The following PPP6R1 variants were observed in gnomAD, a reference collection of about 807,000 sequenced individuals.
PPP6R1 encodes protein phosphatase 6 regulatory subunit 1.
In PPP6R1, 39 loss-of-function variants were observed where a neutral mutation model predicts 104.6. That is an observed-to-expected ratio of 0.37 (90% CI 0.29 to 0.49). The LOEUF (loss-of-function observed/expected upper bound fraction) is 0.49, where lower values mean the gene tolerates loss of function less well. Among genes scored for constraint, PPP6R1 ranks in the 20% least tolerant of loss-of-function variants. PPP6R1 has a pLI of 0.98. For missense variants in PPP6R1, 1,181 were observed against 1,155.8 expected (o/e 1.02, Z -0.32); for synonymous variants, 549 against 479.0 (o/e 1.15, Z -1.91).
intron 13 of PPP6R1, 23 bp from the exon 14 acceptor site, chr19:55,239,706 G>A (rs1320688049): frequency 5.0e-6 from 8 of 1,599,884 alleles, no homozygotes; most frequent in Non-Finnish European, 6.8e-6. Flanking sequence ...GGGGGCGTCA[G>A]GGCCTGCTGG....
Position 55,230,920 on chromosome 19 carries a change from C to T in PPP6R1, c.2460-36G>A, listed in dbSNP as rs764029907. 14 of 1,510,034 alleles carry T rather than the reference C, an allele frequency of 9.3e-6. No homozygotes were observed. The African/African-American group carries it at 1.1e-4, about 12-fold the overall frequency. 93.5% of individuals were successfully genotyped at this position (1,510,034 alleles called of 1,614,324 possible). A position where few individuals can be genotyped will look rare whatever the true frequency, so the allele number is the denominator to read the frequency against. ...GAGGCAGGTGCGGCTGTCAGCGTGG[C>T]CCCCACCGTCACCTGCTGACACCCT... On this transcript the variant is annotated intron_variant, in intron 21 of 23. Transcript: ENST00000412770.
In PPP6R1 at chr19:55,241,605, TGCTGAAGAA is replaced by T. The variant is rs775811925; in HGVS notation, c.871_879del (p.Phe291_Ser293del). The T allele has an allele frequency of 2.5e-5, 39 of 1,587,166 alleles. No homozygotes were observed. Among genetic ancestry groups the T allele is most frequent in the Non-Finnish European group, 3.2e-5 (37 of 1,168,024 alleles). ...AGGAGCTCCAGCTGCCCATCCACACTGCTGAAGAAGCTGTTCACGGTCACGGACTCGGAC... is the reference window on the plus strand; with the variant it reads ...AGGAGCTCCAGCTGCCCATCCACACTGCTGTTCACGGTCACGGACTCGGAC... On this transcript the variant is annotated inframe_deletion, in exon 8 of 24. Coordinates refer to ENST00000412770, the MANE Select transcript of PPP6R1 (RefSeq NM_014931.4). The surrounding 1 kb of genome is among the most constrained non-coding windows in gnomAD (Gnocchi z 5.4).
chr19:55,241,376 T>C lies in PPP6R1; in HGVS notation c.1024A>G (p.Met342Val), dbSNP rs1029224601. 5.6e-6 allele frequency: 9 copies of C among 1,609,700 alleles called. No homozygotes were observed. The highest frequency in any genetic ancestry group is 6.8e-6 in the Non-Finnish European group (8 of 1,178,410). ...LEPPKLEPLQMTWGMLAPPLG... is the reference protein window; with the variant it reads ...LEPPKLEPLQVTWGMLAPPLG... ...GGCGGAGCCAGCATGCCCCATGTCA[T>C]CTGTAGCGGCTCCAGCTGCAGACAC... The change falls in exon 9 of 24, where the codon ATG (methionine) becomes GTG (valine). Residue 342 changes from methionine (M) to valine (V), a missense_variant. Met to Val is a conservative substitution (Grantham distance 21). Around this residue, in one of 2 missense-constraint regions of PPP6R1, gnomAD observed 1,042 missense variants for 955.6 expected, o/e 1.09. Transcript: ENST00000412770. This position sits in a 1 kb window ranked among gnomAD's most constrained non-coding sequence, Gnocchi z 5.4.
At chr19:55,250,361 G>T (rs1223518110) in intron 1 of PPP6R1, among the ~76,000 whole-genome samples, 1 of 152,200 alleles carries the variant, frequency 6.6e-6, no homozygotes, top group Non-Finnish European at 1.5e-5. Context: ...TTCAGAAGTT[G>T]TATTTTCAGG....
Position 55,231,893 on chromosome 19 carries a change from G to A in PPP6R1, c.2215C>T (p.Pro739Ser), listed in dbSNP as rs762539923. 2.0e-6 allele frequency: 3 copies of A among 1,516,972 alleles called. No homozygotes were observed. The highest frequency in any genetic ancestry group is 1.4e-5 in the African/African-American group (1 of 72,216). 94.0% of individuals were successfully genotyped at this position (1,516,972 alleles called of 1,614,324 possible). ...CTGAGGGGCCCCTGTGGGGCTGGAGGCCCAGTGTGCAGCTCTTCCTCCCCG... is the reference window on the plus strand; with the variant it reads ...CTGAGGGGCCCCTGTGGGGCTGGAGACCCAGTGTGCAGCTCTTCCTCCCCG... ...VSGEEELHTG[P>S]PAPQGPLSVP... The change falls in exon 19 of 24, where the codon CCT (proline) becomes TCT (serine). Residue 739 changes from proline to serine, a missense_variant. By Grantham distance (74) the Pro-to-Ser change is moderately conservative. This residue lies in a region of PPP6R1 where 1,042 missense variants were observed against 955.6 expected (regional missense o/e 1.09). Transcript: ENST00000412770.
intron 2 of PPP6R1, among the ~76,000 whole-genome samples, chr19:55,246,481 T>G (rs560263826): frequency 2.0e-5 from 3 of 149,824 alleles, no homozygotes; most frequent in Admixed American, 2.0e-4. Context: ...GTGTCTTCAA[T>G]AGCAGACAAG....
chr19:55,252,974 G>A (rs368738107), intron 1 of PPP6R1, among the ~76,000 whole-genome samples: 43 of 152,320 alleles, frequency 2.8e-4, no homozygotes, highest in African/African-American at 4.6e-4. Flanking sequence ...ATGTCCCAGC[G>A]TCCGCAGAGC....
In PPP6R1 at chr19:55,231,963, G is replaced by T; in HGVS notation, c.2145C>A (p.Thr715=). ...GGGCATCTGTAGGCACTGGGTCAAA[G>T]GTGGCTGTCCAGCTGGGGCCTGGGA... ...PQPPGPSWTA[T]FDPVPTDAPT... Residue 715 remains threonine, a synonymous_variant, in exon 19 of 24, where the codon ACC becomes ACA. Transcript: ENST00000412770. 6.3e-7 allele frequency: 1 copy of T among 1,597,556 alleles called. No individual in the cohort carries two copies. The highest frequency in any genetic ancestry group is 8.6e-7 in the Non-Finnish European group (1 of 1,169,032).
intron 17 of PPP6R1, among the ~76,000 whole-genome samples, chr19:55,234,657 G>A (rs111550314): frequency 8.5e-4 from 85 of 99,918 alleles, no homozygotes; most frequent in African/African-American, 4.5e-3. Flanking sequence ...CACTCACAGC[G>A]GCTGCACTCA....
intron 1 of PPP6R1, among the ~76,000 whole-genome samples, chr19:55,254,673 A>C (rs2087579133): frequency 6.6e-6 from 1 of 152,152 alleles, no homozygotes; most frequent in Non-Finnish European, 1.5e-5. Context: ...GAGCTGTCCC[A>C]ATGCTCAGCA....
At chr19:55,228,842 T>C, downstream of PPP6R1, 1 of 1,233,612 alleles carries the variant, frequency 8.1e-7, no homozygotes. Flanking sequence ...GAGCGTCCTG[T>C]GGACTCTGTG....
Position 55,231,393 on chromosome 19 carries a change from C to T in PPP6R1, c.2459+17G>A, listed in dbSNP as rs373585915. ...AAGACTTCTCCCGATACTAGGCAGC[C>T]CCACCTCGCTGCTCACCTGTCCGAG... On this transcript the variant is annotated intron_variant, in intron 21 of 23. Transcript: ENST00000412770. 370 of 1,576,756 alleles carry T rather than the reference C, an allele frequency of 2.3e-4. No homozygotes were observed. The highest frequency in any genetic ancestry group is 1.5e-4 in the Admixed American group (8 of 54,802).
chr19:55,237,465 C>T (rs1057190291), intron 15 of PPP6R1, among the ~76,000 whole-genome samples: 10 of 152,166 alleles, frequency 6.6e-5, no homozygotes, highest in East Asian at 3.8e-4. Context: ...AAAAGAATCA[C>T]GTCAAAACTT....
chr19:55,258,123 G>A (rs192156649), intron 1 of PPP6R1, among the ~76,000 whole-genome samples: 105 of 152,344 alleles, frequency 6.9e-4, no homozygotes, highest in African/African-American at 2.4e-3. Flanking sequence ...CGGCCAGAGA[G>A]GCAAGAGAGC....
chr19:55,242,330 T>G (rs1470756211), intron 6 of PPP6R1, 46 bp downstream of exon 6: 6 of 1,612,492 alleles, frequency 3.7e-6, no homozygotes, highest in Non-Finnish European at 4.2e-6. Flanking sequence ...GCCCAGGGCT[T>G]CCCCAAGTCA....
In PPP6R1 at chr19:55,242,364, C is replaced by G; in HGVS notation, c.731+12G>C. ...CAGCTCCCCCCAGCCTTAGCCTTGC[C>G]CGCACACCCACTTCTCCAGGGTGGC... On this transcript the variant is annotated intron_variant, in intron 6 of 23. Transcript: ENST00000412770. 1 of 1,612,606 alleles carries G rather than the reference C, an allele frequency of 6.2e-7. No individual in the cohort carries two copies. Among genetic ancestry groups the G allele is most frequent in the African/African-American group, 1.3e-5 (1 of 75,036 alleles).
intron 1 of PPP6R1, among the ~76,000 whole-genome samples, chr19:55,253,716 G>GA (rs1362097250): frequency 3.3e-5 from 5 of 152,158 alleles, no homozygotes; most frequent in East Asian, 1.9e-4. Context: ...GAAAAAAAGA[G>GA]AAAAAAACTT....
chr19:55,235,454 C>T (rs1386618254), intron 17 of PPP6R1, among the ~76,000 whole-genome samples: 1 of 151,974 alleles, frequency 6.6e-6, no homozygotes, highest in Non-Finnish European at 1.5e-5. Flanking sequence ...TCAGGACCTG[C>T]CTATTTTTTC....
Position 55,230,374 on chromosome 19 carries a change from T to A in PPP6R1, c.*154A>T. On this transcript the variant is annotated 3_prime_UTR_variant, in exon 24 of 24. Coordinates refer to ENST00000412770, the MANE Select transcript of PPP6R1 (RefSeq NM_014931.4). ...CAAATGGGGGTGGGTTGGGCCTGTC[T>A]CCCTGGCACCAGCCTCCTGGGGGTC... 1 of 1,184,132 alleles carries A rather than the reference T, an allele frequency of 8.4e-7. No individual in the cohort carries two copies. The highest frequency in any genetic ancestry group is 1.4e-5 in the South Asian group (1 of 69,028). The allele number at this position is 1,184,132 out of a possible 1,614,324, so 73.4% of individuals were successfully genotyped here.
Sources: allele counts gnomAD v4.1 joint callset (sites outside exome capture counted in the v4.1 genomes callset), GRCh38; gene constraint gnomAD v4.1.1; regional missense constraint gnomAD v4.1.1; non-coding constraint Gnocchi (gnomAD v3.1); transcripts MANE v1.5; gene names NCBI Gene and HGNC (gene_info 2026-07-23, HGNC 2026-07-21).